SETD7: variants seen among roughly 807,000 people sequenced by gnomAD.
The protein encoded by SETD7 is SET domain containing 7, histone lysine methyltransferase, also known as histone-lysine N-methyltransferase SETD7.
Under a neutral mutation model 41.8 loss-of-function variants are expected in SETD7, and 16 were observed. The ratio of observed to expected loss-of-function variants is 0.38; its 90% confidence interval spans 0.26 to 0.58. The LOEUF is 0.58. SETD7 is among the 20% of genes least tolerant of loss of function. SETD7 has a pLI of 0.64. For missense variants in SETD7, 346 were observed against 459.7 expected (o/e 0.75, Z 2.26); for synonymous variants, 163 against 169.7 (o/e 0.96, Z 0.31).
intron 1 of SETD7, among the ~76,000 whole-genome samples, chr4:139,547,468 C>T (rs115629881): frequency 1.7e-3 from 266 of 152,256 alleles, no homozygotes; most frequent in African/African-American, 6.1e-3. Context: ...GTTGAGATTC[C>T]ACTGTTTTAT....
intron 7 of SETD7, chr4:139,496,611 G>A (rs1726461866): frequency 1.6e-6 from 1 of 622,464 alleles, no homozygotes; most frequent in East Asian, 2.7e-5. Context: ...AGCCAGAAAG[G>A]AGACTTTTAG....
intron 2 of SETD7, among the ~76,000 whole-genome samples, chr4:139,536,947 G>C (rs1000438582): frequency 2.0e-5 from 3 of 152,166 alleles, no homozygotes; most frequent in African/African-American, 7.2e-5. Flanking sequence ...AGGTTGCAGC[G>C]AGCCGAGATC....
At chr4:139,526,150 A>G (rs1440728894) in intron 4 of SETD7, among the ~76,000 whole-genome samples, 1 of 152,112 alleles carries the variant, frequency 6.6e-6, no homozygotes, top group African/African-American at 2.4e-5. Flanking sequence ...TCCCAGGTTC[A>G]AGCGGTTCTT....
At chr4:139,505,497 G>A (rs1395346517), downstream of SETD7, among the ~76,000 whole-genome samples, 1 of 152,124 alleles carries the variant, frequency 6.6e-6, no homozygotes, top group Non-Finnish European at 1.5e-5. Context: ...GCTGAGGCAG[G>A]AGAGTCGCTT....
chr4:139,501,960 A>G (rs532742719), downstream of SETD7, among the ~76,000 whole-genome samples: 1 of 152,362 alleles, frequency 6.6e-6, no homozygotes, highest in Admixed American at 6.5e-5. Context: ...CAGGCGGAGC[A>G]AAGTTAGTGA....
intron 3 of SETD7, among the ~76,000 whole-genome samples, chr4:139,530,981 G>C (rs962829942): frequency 3.9e-5 from 6 of 152,026 alleles, no homozygotes; most frequent in Admixed American, 3.3e-4. Context: ...CAGGGAGTGT[G>C]GGGAAAGAAA....
chr4:139,496,464 T>C (rs767470946), exon 8 of SETD7: 7 of 702,344 alleles, frequency 1.0e-5, no homozygotes, highest in East Asian at 2.7e-5. Context: ...GTGGGATCTT[T>C]GGGAGTGGAG....
rs1411512778 is a variant in SETD7, at chr4:139,523,337, C to T, written c.644+17G>A. The T allele has an allele frequency of 3.2e-6, 5 of 1,586,042 alleles. No individual in the cohort carries two copies. The South Asian group carries it at 5.5e-5, about 18-fold the overall frequency. ...CTCACATAAACAGTGCAATTAAAACCCCAAGGAGGAAATTACCTTTCTGAT... is the reference window on the plus strand; with the variant it reads ...CTCACATAAACAGTGCAATTAAAACTCCAAGGAGGAAATTACCTTTCTGAT... On this transcript the variant is annotated intron_variant, in intron 5 of 7. Coordinates refer to ENST00000274031, the MANE Select transcript of SETD7 (RefSeq NM_030648.4).
intron 3 of SETD7, among the ~76,000 whole-genome samples, chr4:139,532,350 G>A (rs1435627873): frequency 1.3e-5 from 2 of 152,172 alleles, no homozygotes; most frequent in South Asian, 2.1e-4. Flanking sequence ...GAGGTGGGAA[G>A]ATGGCTTGAG....
chr4:139,510,763 C>T lies in SETD7; in HGVS notation c.*900G>A, dbSNP rs1726848811. ...TACTCAAGGAGGAAAAAATTACTAG[C>T]ACTACTGAAAATATTGCAAAATTGC... On this transcript the variant is annotated 3_prime_UTR_variant, in exon 8 of 8. Coordinates refer to ENST00000274031, the MANE Select transcript of SETD7 (RefSeq NM_030648.4). 1 of 152,524 alleles carries T rather than the reference C, an allele frequency of 6.6e-6. No homozygotes were observed. Among genetic ancestry groups the T allele is most frequent in the Non-Finnish European group, 1.5e-5 (1 of 68,028 alleles). 9.4% of individuals were successfully genotyped at this position (152,524 alleles called of 1,614,324 possible).
intron 1 of SETD7, among the ~76,000 whole-genome samples, chr4:139,554,355 T>C (rs1002845658): frequency 2.6e-5 from 4 of 152,248 alleles, no homozygotes; most frequent in African/African-American, 9.6e-5. Context: ...ACTGGACATA[T>C]GTTTGTAAAC....
intron 3 of SETD7, among the ~76,000 whole-genome samples, chr4:139,529,888 C>T (rs1336103564): frequency 6.6e-6 from 1 of 152,178 alleles, no homozygotes; most frequent in Non-Finnish European, 1.5e-5. Flanking sequence ...AAATTTCACT[C>T]CCATCTCAAT....
intron 7 of SETD7, among the ~76,000 whole-genome samples, chr4:139,513,601 G>T (rs1726943345): frequency 6.6e-6 from 1 of 152,108 alleles, no homozygotes; most frequent in Non-Finnish European, 1.5e-5. Flanking sequence ...ACCCTCTTGG[G>T]TATCATATCA....
At chr4:139,551,626 C>T (rs1160946484) in intron 1 of SETD7, among the ~76,000 whole-genome samples, 1 of 151,892 alleles carries the variant, frequency 6.6e-6, no homozygotes, top group Admixed American at 6.6e-5. Flanking sequence ...CTCAGGCTTA[C>T]TCACAAGAGA....
rs779146572 is a variant in SETD7, at chr4:139,518,005, A to G, written c.800T>C (p.Leu267Pro). The G allele has an allele frequency of 1.2e-6, 2 of 1,613,898 alleles. No individual in the cohort carries two copies. Among genetic ancestry groups the G allele is most frequent in the Non-Finnish European group, 8.5e-7 (1 of 1,179,942 alleles). Residue 267 changes from leucine to proline, a missense_variant, in exon 7 of 8, where the codon CTC becomes CCC. Transcript: ENST00000274031. ...AATGACCGTTTCTTCATCAAGGGAG[A>G]GGGTGTTCCCATTAAGGGCCCAGTC... ...SRDWALNGNT[L>P]SLDEETVIDV...
At chr4:139,512,430 C>A (rs1726904975) in intron 7 of SETD7, among the ~76,000 whole-genome samples, 1 of 152,178 alleles carries the variant, frequency 6.6e-6, no homozygotes, top group African/African-American at 2.4e-5. Context: ...GAAGTCTAGA[C>A]CTCTCTGCCA....
At chr4:139,525,611 G>A (rs1336335081) in intron 4 of SETD7, among the ~76,000 whole-genome samples, 2 of 151,914 alleles carry the variant, frequency 1.3e-5, no homozygotes, top group Admixed American at 6.6e-5. Context: ...GAAGTAAGTA[G>A]AGAATTAGAA....
rs1208171250 is a variant in SETD7 at position 139,517,950 on chromosome 4, G to A, written c.855C>T (p.Ser285=). Residue 285 remains serine, a synonymous_variant, in exon 7 of 8, where the codon TCC becomes TCT. Coordinates refer to ENST00000274031, the MANE Select transcript of SETD7 (RefSeq NM_030648.4). The part of the protein sequence containing the change: ...IDVPEPYNHV[S]KYCASLGHKA... ...TGTGTCCCAAGGAGGCACAGTACTT[G>A]GATACGTGGTTATAGGGCTCAGGCA... 6.2e-7 allele frequency: 1 copy of A among 1,614,036 alleles called. No homozygotes were observed.
At chr4:139,504,267 G>A (rs1203714339), downstream of SETD7, among the ~76,000 whole-genome samples, 2 of 152,158 alleles carry the variant, frequency 1.3e-5, no homozygotes, top group Admixed American at 1.3e-4. Flanking sequence ...AAGAAGTGAA[G>A]CTCTAAATTC....
Sources: gnomAD v4.1 joint callset for allele counts (sites outside exome capture counted in the v4.1 genomes callset) on GRCh38, gnomAD v4.1.1 for gene constraint, MANE v1.5 for transcripts, NCBI Gene and HGNC (gene_info 2026-07-23, HGNC 2026-07-21) for gene names.